Variants in CDH4 observed in about 807,000 individuals in gnomAD.
CDH4 encodes the protein cadherin-4.
In CDH4, 33 loss-of-function variants were observed where a neutral mutation model predicts 86.0. That is an observed-to-expected ratio of 0.38 (90% CI 0.29 to 0.51). The LOEUF (loss-of-function observed/expected upper bound fraction) is 0.51. Ranked by LOEUF, CDH4 falls within the 20% of genes least tolerant of loss-of-function variation. The probability of loss-of-function intolerance (pLI) is 0.86; values close to 1 mark genes in which losing one functional copy is unlikely to be tolerated. For synonymous variants in CDH4, 555 were observed against 549.4 expected (o/e 1.01, Z -0.14); for missense variants, 1,114 against 1,307.4 (o/e 0.85, Z 2.28).
chr20:61,924,497 G>A, intron 11 of CDH4, 21 bp downstream of exon 11: 2 of 1,607,216 alleles, frequency 1.2e-6, no homozygotes, highest in East Asian at 2.2e-5. Flanking sequence ...CCCCAGGGAG[G>A]CAGCCGTCTC....
Position 61,429,783 on chromosome 20 carries a change from A to ATGGATGGG in CDH4, c.169+174849_169+174850insATGGGTGG, listed in dbSNP as rs1555849352. Reference sequence around the variant, plus strand: ...GATGGATGGATGGATGGATGGATGGATGGGTGGGTGGAAAGATGGATAGGT... The same window carrying ATGGATGGG: ...GATGGATGGATGGATGGATGGATGGATGGATGGGTGGGTGGGTGGAAAGATGGATAGGT... On this transcript the variant is annotated intron_variant, in intron 2 of 15. Coordinates refer to ENST00000614565, the MANE Select transcript of CDH4 (RefSeq NM_001794.5). Among the ~76,000 whole-genome samples, 4 of 149,688 alleles carry ATGGATGGG rather than the reference A, an allele frequency of 2.7e-5. No individual in the cohort carries two copies. In the South Asian group the frequency reaches 8.6e-4, roughly 32 times the overall value.
At chr20:61,562,122 C>T (rs62199236) in intron 2 of CDH4, among the ~76,000 whole-genome samples, 12,314 of 85,156 alleles carry the variant, frequency 0.14, 344 homozygotes, top group Middle Eastern at 0.29. Context: ...AGAGAGGGAC[C>T]TCCGTGTGGA....
chr20:61,267,906 G>A (rs1448907648), intron 2 of CDH4, among the ~76,000 whole-genome samples: 2 of 152,204 alleles, frequency 1.3e-5, no homozygotes. Context: ...TCCAGCAGCT[G>A]TGTGTCTGCA....
At chr20:61,764,123 G>T (rs2088670985) in intron 3 of CDH4, among the ~76,000 whole-genome samples, 1 of 152,188 alleles carries the variant, frequency 6.6e-6, no homozygotes, top group Non-Finnish European at 1.5e-5. Flanking sequence ...ACCCAGGCGG[G>T]GAGCAGGGCT....
chr20:61,360,029 A>G (rs934206641), intron 2 of CDH4, among the ~76,000 whole-genome samples: 1 of 152,212 alleles, frequency 6.6e-6, no homozygotes, highest in African/African-American at 2.4e-5. Flanking sequence ...AAACTGCCAC[A>G]CCCAGTTTTC....
intron 2 of CDH4, among the ~76,000 whole-genome samples, chr20:61,531,062 G>A (rs1345283131): frequency 2.6e-5 from 3 of 115,294 alleles, no homozygotes; most frequent in Non-Finnish European, 3.7e-5. Flanking sequence ...AGCTGCTGAG[G>A]GCTGCTGAGG....
intron 2 of CDH4, among the ~76,000 whole-genome samples, chr20:61,473,196 G>A (rs1400371071): frequency 6.6e-6 from 1 of 152,150 alleles, no homozygotes; most frequent in Non-Finnish European, 1.5e-5. Context: ...AACCTCTTTA[G>A]CATAGATAAG....
At chr20:61,606,486 C>T (rs1239027138) in intron 2 of CDH4, among the ~76,000 whole-genome samples, 1 of 152,232 alleles carries the variant, frequency 6.6e-6, no homozygotes, top group Admixed American at 6.5e-5. Context: ...GACAGTCTCT[C>T]AGCTAAAATA....
At chr20:61,866,430 C>A (rs1262063230) in intron 6 of CDH4, among the ~76,000 whole-genome samples, 1 of 152,150 alleles carries the variant, frequency 6.6e-6, no homozygotes, top group Admixed American at 6.5e-5. Flanking sequence ...GAGGCCTCCC[C>A]CTCCCCCCGG....
At chr20:61,267,071 G>A (rs542398321) in intron 2 of CDH4, among the ~76,000 whole-genome samples, 1 of 152,284 alleles carries the variant, frequency 6.6e-6, no homozygotes, top group South Asian at 2.1e-4. Flanking sequence ...TGGAAGGTGG[G>A]AAGGTCAAGG....
At chr20:61,806,003 G>A (rs531129559) in intron 4 of CDH4, among the ~76,000 whole-genome samples, 2 of 152,320 alleles carry the variant, frequency 1.3e-5, no homozygotes, top group African/African-American at 4.8e-5. Flanking sequence ...CTTGGGGCAA[G>A]GGGAAGGCAG....
chr20:61,777,504 T>G (rs568961851), intron 4 of CDH4, among the ~76,000 whole-genome samples: 25 of 152,394 alleles, frequency 1.6e-4, no homozygotes, highest in Non-Finnish European at 3.2e-4. Flanking sequence ...GGACCTTTAG[T>G]GAACGGAAAA....
intron 4 of CDH4, among the ~76,000 whole-genome samples, chr20:61,813,715 T>C (rs1980559585): frequency 6.6e-6 from 1 of 152,160 alleles, no homozygotes; most frequent in Non-Finnish European, 1.5e-5. Context: ...TTATTTCTGT[T>C]TATTTTTATT....
At chr20:61,873,675 G>C in intron 6 of CDH4, 53 bp from the exon 7 acceptor site, 1 of 1,575,566 alleles carries the variant, frequency 6.3e-7, no homozygotes, top group East Asian at 2.2e-5. Context: ...GTGTGCGGGG[G>C]TGGCAGCCTG....
At chr20:61,662,852 G>A (rs2087275688) in intron 2 of CDH4, among the ~76,000 whole-genome samples, 2 of 152,152 alleles carry the variant, frequency 1.3e-5, no homozygotes, top group African/African-American at 2.4e-5. Context: ...CTATCTCCAT[G>A]TCCGCCTACA....
At chr20:61,481,668 A>T (rs890028136) in intron 2 of CDH4, among the ~76,000 whole-genome samples, 2 of 152,250 alleles carry the variant, frequency 1.3e-5, no homozygotes, top group Non-Finnish European at 2.9e-5. Flanking sequence ...CTAGAGCACA[A>T]GTTTGAGCTA....
At chr20:61,670,719 G>A (rs1043458802) in intron 2 of CDH4, among the ~76,000 whole-genome samples, 3 of 152,232 alleles carry the variant, frequency 2.0e-5, no homozygotes, top group Admixed American at 1.3e-4. Context: ...GACTTCTGTG[G>A]CCATTCTTAT....
chr20:61,283,501 C>T, intron 2 of CDH4, among the ~76,000 whole-genome samples: 1 of 103,906 alleles, frequency 9.6e-6, no homozygotes, highest in African/African-American at 3.5e-5. Flanking sequence ...GGTGCATTTG[C>T]ACGCGTGTGC....
Position 61,684,436 on chromosome 20 carries a change from C to T in CDH4, c.170-59127C>T, listed in dbSNP as rs932263883. Among the ~76,000 whole-genome samples, 1 of 152,166 alleles carries T rather than the reference C, an allele frequency of 6.6e-6. No homozygotes were observed. The highest frequency in any genetic ancestry group is 2.4e-5 in the African/African-American group (1 of 41,424). On this transcript the variant is annotated intron_variant, in intron 2 of 15. Transcript: ENST00000614565. This position sits in a 1 kb window ranked among gnomAD's most constrained non-coding sequence, Gnocchi z 4.5. ...TGTTAACCAAGCCAAAATGCAGGGG[C>T]AGGGACATCTCAGGACCTTTTATAC...
Sources: allele counts gnomAD v4.1 joint callset (sites outside exome capture counted in the v4.1 genomes callset), GRCh38; gene constraint gnomAD v4.1.1; non-coding constraint Gnocchi (gnomAD v3.1); transcripts MANE v1.5; gene names NCBI Gene and HGNC (gene_info 2026-07-23, HGNC 2026-07-21).